The following WWOX variants were observed in gnomAD, a reference collection of about 807,000 sequenced individuals.
WWOX encodes the protein WW domain-containing oxidoreductase.
A neutral mutation model predicts 46.2 loss-of-function variants in WWOX; 69 were observed. The ratio of observed to expected loss-of-function variants is 1.49; its 90% CI spans 1.23 to 1.82. WWOX has a LOEUF of 1.82. Ranked by LOEUF, WWOX falls within the 40% of genes most tolerant of loss-of-function variation. WWOX has a pLI of 0.00. For synonymous variants in WWOX, 359 were observed against 202.6 expected (o/e 1.77, Z -6.56); for missense variants, 919 against 542.6 (o/e 1.69, Z -6.89).
intron 8 of WWOX, among the ~76,000 whole-genome samples, chr16:78,621,748 G>T (rs998505612): frequency 6.6e-6 from 1 of 151,460 alleles, no homozygotes; most frequent in Non-Finnish European, 1.5e-5. Flanking sequence ...GGGACTACAG[G>T]CACTCACCAC....
In WWOX at chr16:78,347,534, C is replaced by G. The variant is rs368594275; in HGVS notation, c.517-39326C>G. On this transcript the variant is annotated intron_variant, in intron 5 of 8. Transcript: ENST00000566780. ...CCCACACCTCTTGCATGTTCCTGAG[C>G]TTCTTAGGCGTGTTGCATCTTCCTG... Among the ~76,000 whole-genome samples, 13 of 118,884 alleles carry G rather than the reference C, an allele frequency of 1.1e-4. 1 individual carries two copies. The East Asian group carries it at 1.7e-3, about 16-fold the overall frequency. 78.0% of individuals were successfully genotyped at this position (118,884 alleles called of 152,430 possible).
At chr16:78,815,509 C>T (rs185983144) in intron 8 of WWOX, among the ~76,000 whole-genome samples, 236 of 152,244 alleles carry the variant, frequency 1.6e-3, no homozygotes, top group African/African-American at 5.4e-3. Context: ...GTACCATCTG[C>T]CTCTTGCCAG....
chr16:78,342,139 C>A (rs1410480524), intron 5 of WWOX, among the ~76,000 whole-genome samples: 1 of 121,038 alleles, frequency 8.3e-6, no homozygotes, highest in Admixed American at 8.0e-5. Flanking sequence ...AGAAGAAATA[C>A]AAACTATTGA....
At chr16:78,823,132 C>T (rs947730018) in intron 8 of WWOX, among the ~76,000 whole-genome samples, 1 of 152,200 alleles carries the variant, frequency 6.6e-6, no homozygotes, top group African/African-American at 2.4e-5. Context: ...GCTTGTGGTT[C>T]TGTGAATTAA....
At position 78,347,572 on chromosome 16, in the gene WWOX, C is replaced by T. The variant is rs548369597; in HGVS notation, c.517-39288C>T. On this transcript the variant is annotated intron_variant, in intron 5 of 8. Coordinates refer to ENST00000566780, the MANE Select transcript of WWOX (RefSeq NM_016373.4). ...TTGCATCTTCCTGACCTTCCCAGTC[C>T]GAAGCCCAAGGAGATACTTGATAAA... 1.8e-4 allele frequency among the ~76,000 whole-genome samples: 22 copies of T among 119,620 alleles called. 5 individuals carry two copies. Among genetic ancestry groups the T allele is most frequent in the Non-Finnish European group, 3.2e-4 (16 of 50,284 alleles). 78.5% of individuals were successfully genotyped at this position (119,620 alleles called of 152,430 possible). A position where few individuals can be genotyped will look rare whatever the true frequency, so the allele number is the denominator to read the frequency against.
At chr16:78,877,624 A>G (rs769835609) in intron 8 of WWOX, among the ~76,000 whole-genome samples, 9 of 152,216 alleles carry the variant, frequency 5.9e-5, no homozygotes, top group Non-Finnish European at 1.3e-4. Flanking sequence ...GGACATAGAT[A>G]GAGACATAGA....
intron 8 of WWOX, among the ~76,000 whole-genome samples, chr16:78,755,352 G>C (rs930136985): frequency 1.3e-5 from 2 of 152,140 alleles, no homozygotes; most frequent in African/African-American, 4.8e-5. Flanking sequence ...AGAAAATGCA[G>C]TGGGTAGCCC....
At chr16:78,570,298 T>G (rs1464150430) in intron 8 of WWOX, among the ~76,000 whole-genome samples, 1 of 152,194 alleles carries the variant, frequency 6.6e-6, no homozygotes, top group African/African-American at 2.4e-5. Flanking sequence ...AAATCCTTTC[T>G]GAAACATTGG....
At chr16:78,751,670 C>T (rs979647770) in intron 8 of WWOX, among the ~76,000 whole-genome samples, 5 of 151,468 alleles carry the variant, frequency 3.3e-5, no homozygotes, top group African/African-American at 1.2e-4. Flanking sequence ...CCAAGAAAGC[C>T]ATTTCTGCAG....
At chr16:78,701,382 A>G (rs911252150) in intron 8 of WWOX, among the ~76,000 whole-genome samples, 1 of 151,712 alleles carries the variant, frequency 6.6e-6, no homozygotes, top group East Asian at 1.9e-4. Context: ...TGGCCTACTT[A>G]CCTTCTTTTT....
At chr16:79,186,901 A>G (rs967094498) in intron 8 of WWOX, among the ~76,000 whole-genome samples, 2 of 152,152 alleles carry the variant, frequency 1.3e-5, no homozygotes, top group African/African-American at 4.8e-5. Flanking sequence ...CCACATGCTC[A>G]CTGCAGTGAA....
chr16:78,926,029 C>G (rs2045489354), intron 8 of WWOX, among the ~76,000 whole-genome samples: 1 of 152,144 alleles, frequency 6.6e-6, no homozygotes, highest in African/African-American at 2.4e-5. Context: ...AGTCTATGAA[C>G]AATTCTGGAG....
chr16:78,848,762 G>T (rs1313282304), intron 8 of WWOX, among the ~76,000 whole-genome samples: 1 of 151,594 alleles, frequency 6.6e-6, no homozygotes, highest in African/African-American at 2.4e-5. Context: ...TGCCATACAT[G>T]AGATTCCCAA....
chr16:79,157,624 T>G (rs1214587698), intron 8 of WWOX, among the ~76,000 whole-genome samples: 1 of 152,116 alleles, frequency 6.6e-6, no homozygotes, highest in Non-Finnish European at 1.5e-5. Flanking sequence ...CAGGTTTTAT[T>G]ATTATTTAGG....
intron 6 of WWOX, among the ~76,000 whole-genome samples, chr16:78,420,082 T>C (rs1391270679): frequency 1.3e-5 from 2 of 152,172 alleles, no homozygotes; most frequent in Admixed American, 1.3e-4. Context: ...ATTCCACTTA[T>C]TGCTAGGATG....
chr16:78,703,206 GTC>G (rs138730393), intron 8 of WWOX, among the ~76,000 whole-genome samples: 7,988 of 152,098 alleles, frequency 0.053, 682 homozygotes, highest in African/African-American at 0.18. Context: ...CCTGACAAGA[GTC>G]TGTCTCTTTT....
intron 8 of WWOX, among the ~76,000 whole-genome samples, chr16:78,493,004 T>C (rs2084823435): frequency 6.6e-6 from 1 of 152,172 alleles, no homozygotes. Context: ...GGAGATACTC[T>C]TTACCATCCC....
intron 8 of WWOX, among the ~76,000 whole-genome samples, chr16:79,020,980 T>A (rs1020117555): frequency 6.6e-6 from 1 of 152,154 alleles, no homozygotes; most frequent in African/African-American, 2.4e-5. Context: ...GGTAGCTAAA[T>A]AGGTCACCCC....
chr16:79,064,386 A>G (rs1010766243), intron 8 of WWOX, among the ~76,000 whole-genome samples: 2 of 152,220 alleles, frequency 1.3e-5, no homozygotes, highest in African/African-American at 4.8e-5. Flanking sequence ...TAGGAATAAT[A>G]TCTAGACCTA....
Sources: gnomAD v4.1 joint callset for allele counts (sites outside exome capture counted in the v4.1 genomes callset) on GRCh38, gnomAD v4.1.1 for gene constraint, MANE v1.5 for transcripts, NCBI Gene and HGNC (gene_info 2026-07-23, HGNC 2026-07-21) for gene names.